ATP9B: variants seen among roughly 807,000 people sequenced by gnomAD.
ATP9B encodes the protein probable phospholipid-transporting ATPase IIB.
ATP9B carries 110 observed loss-of-function variants against 146.1 expected under a neutral mutation model. The ratio of observed to expected loss-of-function variants is 0.75; its 90% confidence interval spans 0.65 to 0.88. The LOEUF (loss-of-function observed/expected upper bound fraction) is 0.88, where lower values mean the gene tolerates loss of function less well. Among genes scored for constraint, ATP9B ranks in the 40% least tolerant of loss-of-function variants. The pLI is 0.00. For synonymous variants in ATP9B, 604 were observed against 569.7 expected, an observed-to-expected ratio of 1.06 and a Z score of -0.86; for missense variants, 1,499 against 1,496.4, an observed-to-expected ratio of 1.00 and a Z score of -0.03.
chr18:79,166,813 T>A (rs1384075155), intron 7 of ATP9B, among the ~76,000 whole-genome samples: 3 of 152,206 alleles, frequency 2.0e-5, no homozygotes, highest in African/African-American at 7.2e-5. Flanking sequence ...TTCTGCCTCC[T>A]TGGCCCAGCA....
chr18:79,106,952 C>T (rs2075690696), intron 2 of ATP9B, among the ~76,000 whole-genome samples: 1 of 152,096 alleles, frequency 6.6e-6, no homozygotes, highest in Non-Finnish European at 1.5e-5. Flanking sequence ...TCAGATAATG[C>T]TATAAAGCTT....
chr18:79,328,076 T>A (rs1443441905), intron 15 of ATP9B, among the ~76,000 whole-genome samples: 4 of 145,282 alleles, frequency 2.8e-5, no homozygotes, highest in Admixed American at 6.9e-5. Context: ...CTCTCCGTGG[T>A]TAGCGTGCTC....
intron 15 of ATP9B, among the ~76,000 whole-genome samples, chr18:79,323,852 C>G (rs149016406): frequency 0.015 from 2,323 of 152,282 alleles, 65 homozygotes; most frequent in African/African-American, 0.054. Flanking sequence ...TATGGTGGCT[C>G]TGTGTTTAGA....
At chr18:79,108,555 C>G (rs999119636) in intron 2 of ATP9B, among the ~76,000 whole-genome samples, 14 of 152,160 alleles carry the variant, frequency 9.2e-5, no homozygotes, top group Non-Finnish European at 1.9e-4. Context: ...TCCACTCTTG[C>G]AAAGCTCAGT....
chr18:79,228,858 C>G (rs1255538752), intron 11 of ATP9B, among the ~76,000 whole-genome samples: 1 of 151,948 alleles, frequency 6.6e-6, no homozygotes, highest in African/African-American at 2.4e-5. Context: ...AACCCTGTCT[C>G]TACTAAAAAT....
chr18:79,162,426 A>G (rs1199064448), intron 7 of ATP9B, among the ~76,000 whole-genome samples: 2 of 152,212 alleles, frequency 1.3e-5, no homozygotes, highest in African/African-American at 4.8e-5. Context: ...AGTGCACACA[A>G]TTCTTTTAGT....
intron 25 of ATP9B, chr18:79,352,481 C>T (rs1105427): frequency 0.23 from 34,901 of 152,216 alleles, 4,715 homozygotes; most frequent in East Asian, 0.52. Context: ...CAAGAAAACA[C>T]GTGAAACAAA....
chr18:79,288,952 T>A (rs961242616), intron 13 of ATP9B, among the ~76,000 whole-genome samples: 16 of 152,246 alleles, frequency 1.1e-4, no homozygotes, highest in Non-Finnish European at 1.9e-4. Context: ...CCCTACTCTC[T>A]TCTGGCTTGT....
chr18:79,359,524 A>C (rs572282491), intron 26 of ATP9B, 62 bp downstream of exon 26: 494 of 1,260,014 alleles, frequency 3.9e-4, no homozygotes, highest in Non-Finnish European at 5.6e-4. Flanking sequence ...ATTTTACACG[A>C]GTGAGAAACA....
At chr18:79,095,281 C>T (rs978589472) in intron 1 of ATP9B, among the ~76,000 whole-genome samples, 4 of 152,150 alleles carry the variant, frequency 2.6e-5, no homozygotes, top group African/African-American at 4.8e-5. Flanking sequence ...AAGCTTGCTG[C>T]CTTGGCTCTA....
At chr18:79,240,958 G>C (rs1452887773) in intron 11 of ATP9B, among the ~76,000 whole-genome samples, 5 of 152,128 alleles carry the variant, frequency 3.3e-5, no homozygotes, top group Non-Finnish European at 7.4e-5. Flanking sequence ...AACCTCCTTA[G>C]AAGTGGAATA....
chr18:79,112,201 G>A (rs1343152934), intron 3 of ATP9B, among the ~76,000 whole-genome samples: 1 of 152,118 alleles, frequency 6.6e-6, no homozygotes, highest in Non-Finnish European at 1.5e-5. Context: ...TGCCCTGCTT[G>A]GTGAAATTTT....
intron 1 of ATP9B, among the ~76,000 whole-genome samples, chr18:79,079,874 G>C (rs2073058420): frequency 6.6e-6 from 1 of 152,160 alleles, no homozygotes; most frequent in Non-Finnish European, 1.5e-5. Context: ...TGGCTAGCCA[G>C]TTTTCCCAAC....
chr18:79,311,810 G>C lies in ATP9B; in HGVS notation c.1773+4576G>C, dbSNP rs1340798888. ...CCGTCGCCTTCCTATCTCCAGATAA[G>C]TATCAGGGATGCCACCGTGATGGGA... is the stretch of plus-strand genomic sequence containing the variant. On this transcript the variant is annotated intron_variant, in intron 15 of 29. Coordinates refer to ENST00000426216, the MANE Select transcript of ATP9B (RefSeq NM_198531.5). 7.2e-5 allele frequency among the ~76,000 whole-genome samples: 11 copies of C among 152,180 alleles called. No homozygotes were observed. The East Asian group carries it at 1.9e-3, about 27-fold the overall frequency.
chr18:79,177,370 G>A (rs1449350136), intron 8 of ATP9B, among the ~76,000 whole-genome samples: 1 of 152,014 alleles, frequency 6.6e-6, no homozygotes. Context: ...TGAGTAGATG[G>A]GAGTACAGGT....
chr18:79,324,166 G>A (rs369175024), intron 15 of ATP9B, among the ~76,000 whole-genome samples: 6 of 152,028 alleles, frequency 3.9e-5, no homozygotes, highest in East Asian at 1.9e-4. Flanking sequence ...CGATTAAGTC[G>A]TTTGAGAATA....
At chr18:79,322,541 A>G (rs1413089185) in intron 15 of ATP9B, among the ~76,000 whole-genome samples, 1 of 152,236 alleles carries the variant, frequency 6.6e-6, no homozygotes, top group East Asian at 1.9e-4. Flanking sequence ...CCCTGGCCAC[A>G]TCAGCACTTC....
intron 12 of ATP9B, among the ~76,000 whole-genome samples, chr18:79,263,992 G>A (rs985613096): frequency 3.9e-5 from 6 of 152,192 alleles, no homozygotes; most frequent in East Asian, 1.9e-4. Context: ...GGCTGAGGCA[G>A]GAGAATGGCG....
intron 13 of ATP9B, among the ~76,000 whole-genome samples, chr18:79,292,817 G>A (rs543564009): frequency 1.8e-4 from 28 of 152,102 alleles, no homozygotes; most frequent in African/African-American, 6.5e-4. Context: ...GAGTGCAGTG[G>A]CACAATTGTG....
Sources: allele counts gnomAD v4.1 joint callset (sites outside exome capture counted in the v4.1 genomes callset), GRCh38; gene constraint gnomAD v4.1.1; transcripts MANE v1.5; gene names NCBI Gene and HGNC (gene_info 2026-07-23, HGNC 2026-07-21).